The following HAUS7 variants were observed in gnomAD, a reference collection of about 807,000 sequenced individuals.
HAUS7 encodes HAUS augmin-like complex subunit 7.
In HAUS7, 3 loss-of-function variants were observed where a neutral mutation model predicts 28.4. The ratio of observed to expected loss-of-function variants is 0.11; its 90% confidence interval spans 0.05 to 0.27. HAUS7 has a LOEUF of 0.27. Among genes scored for constraint, HAUS7 ranks in the 10% least tolerant of loss-of-function variants. The pLI, the probability that HAUS7 is intolerant of heterozygous loss-of-function variation, is 1.00. For missense variants in HAUS7, 284 were observed against 297.3 expected, an observed-to-expected ratio of 0.96 and a Z score of 0.33; for synonymous variants, 165 against 132.1, an observed-to-expected ratio of 1.25 and a Z score of -1.71.
Position 153,465,344 on chromosome X carries a change from G to A in HAUS7, c.225-289C>T, listed in dbSNP as rs782527533. ...AAAAAAAAAAAAAAAAAAGATGGCT[G>A]CAGCAGAGGCAGAGAGGGAAGCTGC... On this transcript the variant is annotated intron_variant, in intron 2 of 9. Coordinates refer to ENST00000370211, the MANE Select transcript of HAUS7 (RefSeq NM_001385482.1). 2.3e-3 allele frequency among the ~76,000 whole-genome samples: 239 copies of A among 104,472 alleles called. 2 individuals carry two copies. Among genetic ancestry groups the A allele is most frequent in the African/African-American group, 8.0e-3 (229 of 28,593 alleles). The allele number at this position is 104,472 out of a possible 115,157, so 90.7% of individuals were successfully genotyped here. A position where few individuals can be genotyped will look rare whatever the true frequency, so the allele number is the denominator to read the frequency against.
intron 1 of HAUS7, chrX:153,482,505 C>A: frequency 1.3e-6 from 1 of 753,067 alleles, no homozygotes; most frequent in Non-Finnish European, 1.6e-6. Context: ...CAGGCCTGGG[C>A]AGGTGCCCCA....
At chrX:153,493,927 C>A (rs1480238165) in intron 1 of HAUS7, among the ~76,000 whole-genome samples, 1 of 112,493 alleles carries the variant, frequency 8.9e-6, no homozygotes, top group Non-Finnish European at 1.9e-5. Flanking sequence ...TCTGCCCCTT[C>A]GAGCTTTTTC....
At chrX:153,457,686 A>C (rs1556982587) in intron 4 of HAUS7, among the ~76,000 whole-genome samples, 2 of 112,957 alleles carry the variant, frequency 1.8e-5, no homozygotes, top group East Asian at 5.6e-4. Context: ...CAGCCAGGGG[A>C]CTGGCGTTCC....
chrX:153,454,215 G>A (rs781926202), intron 9 of HAUS7, among the ~76,000 whole-genome samples, 179 bp downstream of exon 9: 23 of 112,265 alleles, frequency 2.0e-4, no homozygotes, highest in Non-Finnish European at 2.1e-4. Flanking sequence ...TACGATGAGC[G>A]TTTTCATTTG....
In HAUS7 at chrX:153,486,580, G is replaced by T. The variant is rs782752083; in HGVS notation, c.-589+8794C>A. The T allele has an allele frequency of 3.6e-5, 34 of 932,966 alleles. No individual in the cohort carries two copies. In the African/African-American group the frequency reaches 6.5e-4, roughly 18 times the overall value. The allele number at this position is 932,966 out of a possible 1,213,427, so 76.9% of individuals were successfully genotyped here. ...TCTCTTCTTGAATGATGCCTACCCC[G>T]TCTTTCCGGGGTCTTCTCTCCCCTG... On this transcript the variant is annotated intron_variant, in intron 1 of 5. Coordinates refer to the HAUS7 transcript ENST00000370210.
At chrX:153,463,463 C>T (rs1034103832) in intron 3 of HAUS7, among the ~76,000 whole-genome samples, 18 of 112,115 alleles carry the variant, frequency 1.6e-4, no homozygotes, top group African/African-American at 5.2e-4. Context: ...ATCTGGCCAG[C>T]GCTGCCTCCT....
At chrX:153,466,458 C>T (rs1291810513) in intron 2 of HAUS7, among the ~76,000 whole-genome samples, 1 of 112,336 alleles carries the variant, frequency 8.9e-6, no homozygotes, top group African/African-American at 3.2e-5. Context: ...GGGCCTTGAC[C>T]TCCACAATCC....
intron 3 of HAUS7, 57 bp downstream of exon 3, chrX:153,464,931 C>T: frequency 1.2e-6 from 1 of 816,686 alleles, no homozygotes; most frequent in Non-Finnish European, 1.9e-6. Flanking sequence ...GGAACATGCA[C>T]CACCACTCCA....
chrX:153,461,974 C>T (rs1002788794), intron 4 of HAUS7: 5 of 455,730 alleles, frequency 1.1e-5, no homozygotes, highest in East Asian at 3.9e-5. Context: ...CTCCCTAAAT[C>T]GTAGAAAACC....
intron 4 of HAUS7, among the ~76,000 whole-genome samples, chrX:153,458,512 G>C (rs782150201): frequency 8.9e-6 from 1 of 112,730 alleles, no homozygotes; most frequent in South Asian, 3.6e-4. Flanking sequence ...GGACATTTGG[G>C]CTCTTTCCAC....
At chrX:153,475,461 A>G (rs1046474708), upstream of HAUS7, among the ~76,000 whole-genome samples, 22 of 111,304 alleles carry the variant, frequency 2.0e-4, no homozygotes, top group African/African-American at 6.9e-4. Context: ...AAGCGTCTGC[A>G]AGAAAAGTCA....
rs782760036 is a variant in HAUS7, at chrX:153,483,976, T to C, written c.-589+11398A>G. ...ATGTCCTGGGGCTGCCATCACTGAG[T>C]GCCACAAGCTGGGTGGCTTCAAACA... On this transcript the variant is annotated intron_variant, in intron 1 of 5. Transcript: ENST00000370210. Among the ~76,000 whole-genome samples the C allele has an allele frequency of 3.6e-5, 4 of 112,048 alleles. No homozygotes were observed. In the East Asian group the frequency reaches 1.1e-3, roughly 32 times the overall value.
upstream of HAUS7, chrX:153,470,627 C>G (rs782566202): frequency 8.5e-7 from 1 of 1,170,756 alleles, no homozygotes; most frequent in South Asian, 1.9e-5. Flanking sequence ...CAATCAACCT[C>G]CAGCGTTCTT....
At chrX:153,465,494 T>C (rs1253595957) in intron 2 of HAUS7, among the ~76,000 whole-genome samples, 4 of 111,428 alleles carry the variant, frequency 3.6e-5, no homozygotes, top group Admixed American at 9.4e-5. Flanking sequence ...GAAAACTTTC[T>C]TCCCACCCGG....
intron 1 of HAUS7, chrX:153,487,193 C>G (rs1478474000): frequency 4.9e-6 from 1 of 205,158 alleles, no homozygotes; most frequent in Admixed American, 6.8e-5. Flanking sequence ...CACCCCCACC[C>G]TGCCTCACCA....
chrX:153,475,483 C>T (rs1402949620), upstream of HAUS7, among the ~76,000 whole-genome samples: 1 of 111,793 alleles, frequency 8.9e-6, no homozygotes, highest in African/African-American at 3.3e-5. Context: ...TTAATTGGGA[C>T]CAGATCCTCT....
In HAUS7 at chrX:153,456,336, C is replaced by G; in HGVS notation, c.634G>C (p.Glu212Gln). ...CTGGCAAGCTCCGCCAGCTTCTCCT[C>G]CTCCTCGGACTTGGCAGAGGCACTG... The part of the protein sequence containing the change: ...WASASAKSEE[E>Q]EKLAELARQL... Residue 212 changes from glutamate (E) to glutamine (Q), a missense_variant, in exon 7 of 10, where the codon GAG (glutamate) becomes CAG (glutamine). By Grantham distance (29) the Glu-to-Gln change is conservative. Transcript: ENST00000370211. 3 of 1,211,233 alleles carry G rather than the reference C, an allele frequency of 2.5e-6. No homozygotes were observed. Among genetic ancestry groups the G allele is most frequent in the Non-Finnish European group, 3.4e-6 (3 of 894,834 alleles).
intron 2 of HAUS7, among the ~76,000 whole-genome samples, chrX:153,468,219 G>A (rs370009198): frequency 1.8e-5 from 2 of 112,378 alleles, no homozygotes; most frequent in East Asian, 5.6e-4. Flanking sequence ...AGACCGGCTG[G>A]ATGCAGGTTG....
chrX:153,494,742 G>T (rs1160813390), intron 1 of HAUS7, among the ~76,000 whole-genome samples: 10 of 105,158 alleles, frequency 9.5e-5, no homozygotes, highest in East Asian at 6.1e-4. Flanking sequence ...GCGGGGGAGG[G>T]GGGGGGAGGT....
Sources: allele counts gnomAD v4.1 joint callset (sites outside exome capture counted in the v4.1 genomes callset), GRCh38; gene constraint gnomAD v4.1.1; transcripts MANE v1.5; gene names NCBI Gene and HGNC (gene_info 2026-07-23, HGNC 2026-07-21).